Variants in PHYHIPL observed in about 807,000 individuals in gnomAD.
The protein encoded by PHYHIPL is phytanoyl-CoA hydroxylase-interacting protein-like.
PHYHIPL carries 9 observed loss-of-function variants against 33.4 expected under a neutral mutation model. The ratio of observed to expected loss-of-function variants is 0.27; its 90% CI spans 0.16 to 0.47. The LOEUF is 0.47. Ranked by LOEUF, PHYHIPL falls within the 20% of genes least tolerant of loss-of-function variation. The pLI, the probability that PHYHIPL is intolerant of heterozygous loss-of-function variation, is 0.99. For missense variants in PHYHIPL, 365 were observed against 460.7 expected (o/e 0.79, Z 1.90); for synonymous variants, 153 against 154.1 (o/e 0.99, Z 0.05).
At chr10:59,228,124 A>C (rs1839980192) in intron 1 of PHYHIPL, among the ~76,000 whole-genome samples, 1 of 152,110 alleles carries the variant, frequency 6.6e-6, no homozygotes, top group African/African-American at 2.4e-5. Flanking sequence ...AGATAAAAAA[A>C]TAGATATGCC....
At chr10:59,213,283 A>G (rs1839517834) in intron 1 of PHYHIPL, among the ~76,000 whole-genome samples, 1 of 152,086 alleles carries the variant, frequency 6.6e-6, no homozygotes, top group Admixed American at 6.6e-5. Flanking sequence ...GTCTGTGTTA[A>G]GTATTTACTC....
Position 59,234,441 on chromosome 10 carries a change from C to T in PHYHIPL, c.244C>T (p.His82Tyr). ...TTCAAAATCAAAGGATCGCATTACA[C>T]ACTATTTTATTGACCTCAACAAGAA... ...MDSKSKDRIT[H>Y]YFIDLNKKEN... is the part of the protein sequence containing the mutation. The change falls in exon 2 of 5, where the codon CAC becomes TAC. Residue 82 changes from histidine to tyrosine, a missense_variant. Transcript: ENST00000373880. 6.3e-7 allele frequency: 1 copy of T among 1,597,396 alleles called. No individual in the cohort carries two copies. Among genetic ancestry groups the T allele is most frequent in the Non-Finnish European group, 8.5e-7 (1 of 1,174,540 alleles).
At chr10:59,203,587 A>C (rs1028201190) in intron 1 of PHYHIPL, among the ~76,000 whole-genome samples, 3 of 152,174 alleles carry the variant, frequency 2.0e-5, no homozygotes, top group African/African-American at 7.2e-5. Flanking sequence ...CTATGCAGCC[A>C]TAAAAAATGA....
chr10:59,188,413 G>C (rs1375593839), intron 1 of PHYHIPL, among the ~76,000 whole-genome samples: 1 of 152,076 alleles, frequency 6.6e-6, no homozygotes, highest in Non-Finnish European at 1.5e-5. Flanking sequence ...GAATAGGTGC[G>C]GTGTGGTGCT....
intron 1 of PHYHIPL, among the ~76,000 whole-genome samples, chr10:59,179,842 T>TACACAC (rs147836305): frequency 0.017 from 2,346 of 134,834 alleles, 38 homozygotes; most frequent in African/African-American, 0.043. Context: ...GCAAGACAGT[T>TACACAC]ACACACACAC....
intron 1 of PHYHIPL, among the ~76,000 whole-genome samples, chr10:59,232,971 A>G (rs1232449131): frequency 6.6e-6 from 1 of 151,900 alleles, no homozygotes. Flanking sequence ...TTAAGCTAGA[A>G]GTAATTTGGG....
At chr10:59,185,865 G>A (rs1422105929) in intron 1 of PHYHIPL, among the ~76,000 whole-genome samples, 2 of 151,964 alleles carry the variant, frequency 1.3e-5, no homozygotes, top group Non-Finnish European at 2.9e-5. Context: ...CTGGATATTA[G>A]CCCTTTGTCA....
intron 1 of PHYHIPL, among the ~76,000 whole-genome samples, chr10:59,218,521 A>G (rs1257441122): frequency 1.3e-5 from 2 of 152,284 alleles, no homozygotes; most frequent in East Asian, 3.9e-4. Flanking sequence ...TGGCCTTTAC[A>G]TGTACTGATA....
chr10:59,201,021 T>C (rs1839090350), intron 1 of PHYHIPL, among the ~76,000 whole-genome samples: 3 of 152,214 alleles, frequency 2.0e-5, no homozygotes, highest in South Asian at 4.1e-4. Context: ...CCTGGATTCA[T>C]TGATATTTCG....
At chr10:59,238,345 CA>C (rs1441473014) in intron 3 of PHYHIPL, among the ~76,000 whole-genome samples, 1 of 151,774 alleles carries the variant, frequency 6.6e-6, no homozygotes, top group Non-Finnish European at 1.5e-5. Context: ...TCTCTAATTT[CA>C]AAAAATGGAA....
At chr10:59,238,993 C>T (rs551651950) in intron 4 of PHYHIPL, among the ~76,000 whole-genome samples, 2 of 152,054 alleles carry the variant, frequency 1.3e-5, no homozygotes, top group South Asian at 2.1e-4. Context: ...CAGGTACACA[C>T]TCGTCCTGCT....
chr10:59,188,413 G>A (rs1375593839), intron 1 of PHYHIPL, among the ~76,000 whole-genome samples: 5 of 152,194 alleles, frequency 3.3e-5, no homozygotes, highest in South Asian at 2.1e-4. Flanking sequence ...GAATAGGTGC[G>A]GTGTGGTGCT....
At chr10:59,178,355 A>G (rs558576243) in intron 1 of PHYHIPL, among the ~76,000 whole-genome samples, 129 of 152,202 alleles carry the variant, frequency 8.5e-4, no homozygotes, top group African/African-American at 2.8e-3. Context: ...GTAAGTGCAC[A>G]TATTTATGGT....
chr10:59,199,269 A>C (rs182168097), intron 1 of PHYHIPL, among the ~76,000 whole-genome samples: 415 of 152,278 alleles, frequency 2.7e-3, no homozygotes, highest in African/African-American at 7.9e-3. Flanking sequence ...TCAGCTTTCT[A>C]CATATGGCTA....
At chr10:59,207,226 C>A (rs2133230743) in intron 1 of PHYHIPL, among the ~76,000 whole-genome samples, 1 of 152,260 alleles carries the variant, frequency 6.6e-6, no homozygotes, top group Non-Finnish European at 1.5e-5. Context: ...AACTGAGATA[C>A]CCAGCTCATC....
intron 1 of PHYHIPL, among the ~76,000 whole-genome samples, chr10:59,203,659 T>C (rs1445339189): frequency 6.6e-6 from 1 of 151,612 alleles, no homozygotes; most frequent in Admixed American, 6.6e-5. Context: ...GAGCAAACTA[T>C]CGCAAGGACA....
In PHYHIPL at chr10:59,228,897, C is replaced by T. The variant is rs540086119; in HGVS notation, c.107-5407C>T. On this transcript the variant is annotated intron_variant, in intron 1 of 4. Transcript: ENST00000373880. The stretch of plus-strand genomic sequence containing the variant: ...GATTTTAGTTTGGCTTTTATTGTAG[C>T]ACTCAAGGAAAGATATTATGTAGAA... Among the ~76,000 whole-genome samples, 5 of 152,212 alleles carry T rather than the reference C, an allele frequency of 3.3e-5. No homozygotes were observed. The South Asian group carries it at 8.3e-4, about 25-fold the overall frequency.
intron 1 of PHYHIPL, chr10:59,221,682 G>C (rs1564454159): frequency 1.0e-6 from 1 of 984,754 alleles, no homozygotes; most frequent in Non-Finnish European, 1.2e-6. Flanking sequence ...GAAATCTAGA[G>C]CTGTATTGTG....
At position 59,198,147 on chromosome 10, in the gene PHYHIPL, G is replaced by A. The variant is rs541024352; in HGVS notation, c.106+21188G>A. Among the ~76,000 whole-genome samples the A allele has an allele frequency of 7.2e-5, 11 of 152,048 alleles. No individual in the cohort carries two copies. The South Asian group carries it at 2.3e-3, about 32-fold the overall frequency. ...TATACATGTGCCATGTTGGTGTGCT[G>A]CACCCGTTAACTCATCATTTACATT... On this transcript the variant is annotated intron_variant, in intron 1 of 4. Transcript: ENST00000373880.
Sources: allele counts gnomAD v4.1 joint callset (sites outside exome capture counted in the v4.1 genomes callset), GRCh38; gene constraint gnomAD v4.1.1; transcripts MANE v1.5; gene names NCBI Gene and HGNC (gene_info 2026-07-23, HGNC 2026-07-21).